The following PICK1 variants were observed in gnomAD, a reference collection of about 807,000 sequenced individuals.
PICK1 encodes PRKCA-binding protein.
In PICK1, 23 loss-of-function variants were observed where a neutral mutation model predicts 48.9. The ratio of observed to expected loss-of-function variants is 0.47; its 90% CI spans 0.34 to 0.67. PICK1 has a LOEUF of 0.67. Among genes scored for constraint, PICK1 ranks in the 30% least tolerant of loss-of-function variants. PICK1 has a pLI of 0.01. For synonymous variants in PICK1, 217 were observed against 228.2 expected (o/e 0.95, Z 0.44); for missense variants, 423 against 557.1 (o/e 0.76, Z 2.42).
chr22:38,065,845 C>T (rs866155998), intron 4 of PICK1, among the ~76,000 whole-genome samples: 2 of 152,274 alleles, frequency 1.3e-5, no homozygotes, highest in Middle Eastern at 6.8e-3. Flanking sequence ...AGGCAGTGCA[C>T]AGCCATGGGG....
chr22:38,070,911 G>A lies in PICK1; in HGVS notation c.493+20G>A, dbSNP rs756097296. On this transcript the variant is annotated intron_variant, in intron 7 of 12. Transcript: ENST00000356976. The stretch of plus-strand genomic sequence containing the variant: ...ACAAAGGTGGGTGGGGGGTGGCCTC[G>A]TCCTGGCACTAGCTCTACCCCAGGG... The A allele has an allele frequency of 6.2e-5, 100 of 1,607,422 alleles. No individual in the cohort carries two copies. Among genetic ancestry groups the A allele is most frequent in the East Asian group, 8.9e-5 (4 of 44,872 alleles).
intron 4 of PICK1, chr22:38,065,347 G>A (rs1386725418): frequency 3.7e-6 from 2 of 538,114 alleles, no homozygotes; most frequent in Non-Finnish European, 3.5e-6. Context: ...GCTGAACCTT[G>A]GCAAGAGAGT....
Position 38,067,709 on chromosome 22 carries a change from G to C in PICK1, c.288G>C (p.Glu96Asp). The change falls in exon 5 of 13, where the codon GAG becomes GAC. Residue 96 changes from glutamate (E) to aspartate (D), a missense_variant. Around this residue, in one of 2 missense-constraint regions of PICK1, gnomAD observed 279 missense variants for 417.8 expected, o/e 0.67. Transcript: ENST00000356976. Reference sequence around the variant, plus strand: ...TGTGTGTGCTGCTCTTCCAGGGGGAGGTGACCATCCACTACAACAAGCTGC... The same window carrying C: ...TGTGTGTGCTGCTCTTCCAGGGGGACGTGACCATCCACTACAACAAGCTGC... ...VAKMIQEVKG[E>D]VTIHYNKLQA... is the part of the protein sequence containing the mutation. 1 of 1,613,726 alleles carries C rather than the reference G, an allele frequency of 6.2e-7. No homozygotes were observed. Among genetic ancestry groups the C allele is most frequent in the Non-Finnish European group, 8.5e-7 (1 of 1,179,672 alleles).
At position 38,066,406 on chromosome 22, in the gene PICK1, C is replaced by T. The variant is rs1339813318; in HGVS notation, c.282+1276C>T. Among the ~76,000 whole-genome samples, 2 of 152,238 alleles carry T rather than the reference C, an allele frequency of 1.3e-5. No individual in the cohort carries two copies. The highest frequency in any genetic ancestry group is 2.9e-5 in the Non-Finnish European group (2 of 68,046). On this transcript the variant is annotated intron_variant, in intron 4 of 12. Coordinates refer to ENST00000356976, the MANE Select transcript of PICK1 (RefSeq NM_012407.4). The surrounding 1 kb of genome is among the most constrained non-coding windows in gnomAD (Gnocchi z 4.1). Reference sequence around the variant, plus strand: ...CCTGTCCTCTCAGGCTTGGTCATACCAGCACCTCAGGTTGCCCATGAGGAC... The same window carrying T: ...CCTGTCCTCTCAGGCTTGGTCATACTAGCACCTCAGGTTGCCCATGAGGAC...
Position 38,073,997 on chromosome 22 carries a change from C to A in PICK1, c.834+174C>A. The A allele has an allele frequency of 1.4e-6, 1 of 695,742 alleles. No homozygotes were observed. Among genetic ancestry groups the A allele is most frequent in the Non-Finnish European group, 2.5e-6 (1 of 403,872 alleles). 43.1% of individuals were successfully genotyped at this position (695,742 alleles called of 1,614,324 possible). A position where few individuals can be genotyped will look rare whatever the true frequency, so the allele number is the denominator to read the frequency against. On this transcript the variant is annotated intron_variant, in intron 11 of 12. Coordinates refer to ENST00000356976, the MANE Select transcript of PICK1 (RefSeq NM_012407.4). This position sits in a 1 kb window ranked among gnomAD's most constrained non-coding sequence, Gnocchi z 5.7. The stretch of plus-strand genomic sequence containing the variant: ...CGCTGGGCCTCGGGGTGCTGGGCAC[C>A]CGGCCGGGAACCACTCCCTCAGTCT...
chr22:38,065,964 G>A (rs1403100829), intron 4 of PICK1, among the ~76,000 whole-genome samples: 1 of 151,968 alleles, frequency 6.6e-6, no homozygotes, highest in Non-Finnish European at 1.5e-5. Context: ...TGGCACTCCT[G>A]ATAGTCCGCC....
At position 38,067,688 on chromosome 22, in the gene PICK1, T is replaced by A. The variant is rs1171567273; in HGVS notation, c.283-16T>A. The A allele has an allele frequency of 1.2e-6, 2 of 1,611,920 alleles. No individual in the cohort carries two copies. On this transcript the variant is annotated splice_polypyrimidine_tract_variant and intron_variant, in intron 4 of 12. Coordinates refer to ENST00000356976, the MANE Select transcript of PICK1 (RefSeq NM_012407.4). Reference sequence around the variant, plus strand: ...GTGGAGCCTCGCTCACTAGTCTGTGTGTGCTGCTCTTCCAGGGGGAGGTGA... The same window carrying A: ...GTGGAGCCTCGCTCACTAGTCTGTGAGTGCTGCTCTTCCAGGGGGAGGTGA...
At chr22:38,070,983 G>A (rs942494663) in intron 7 of PICK1, 92 bp downstream of exon 7, 5 of 967,844 alleles carry the variant, frequency 5.2e-6, no homozygotes, top group African/African-American at 1.6e-5. Context: ...CACTAGGAAT[G>A]CCAGCCTACA....
At chr22:38,067,907 C>T in intron 5 of PICK1, 137 bp downstream of exon 5, 1 of 770,474 alleles carries the variant, frequency 1.3e-6, no homozygotes, top group Non-Finnish European at 2.3e-6. Context: ...TGGGCTCTGA[C>T]CTCTGACCAA....
At chr22:38,071,793 G>A in intron 8 of PICK1, 49 bp downstream of exon 8, 3 of 1,503,244 alleles carry the variant, frequency 2.0e-6, no homozygotes, top group Non-Finnish European at 2.8e-6. Context: ...AATCCCTGGG[G>A]CCTCTCACTC....
intron 4 of PICK1, among the ~76,000 whole-genome samples, chr22:38,067,193 T>A (rs530177819): frequency 5.3e-5 from 8 of 152,108 alleles, no homozygotes; most frequent in Non-Finnish European, 1.2e-4. Flanking sequence ...CTGTCCCCAC[T>A]GATTCCCCAG....
In PICK1 at chr22:38,066,007, A is replaced by G. The variant is rs1051386413; in HGVS notation, c.282+877A>G. ...CTTAACCCAGGCCAGCCGCTGCTCC[A>G]TCCTCTCTCCCCTTTATCCTCCTGT... On this transcript the variant is annotated intron_variant, in intron 4 of 12. Coordinates refer to ENST00000356976, the MANE Select transcript of PICK1 (RefSeq NM_012407.4). This position sits in a 1 kb window ranked among gnomAD's most constrained non-coding sequence, Gnocchi z 4.1. Among the ~76,000 whole-genome samples, 6 of 151,994 alleles carry G rather than the reference A, an allele frequency of 3.9e-5. No homozygotes were observed. The highest frequency in any genetic ancestry group is 5.9e-5 in the Non-Finnish European group (4 of 68,002).
intron 4 of PICK1, chr22:38,067,386 T>C (rs2085554723): frequency 5.6e-6 from 2 of 356,520 alleles, no homozygotes; most frequent in Admixed American, 3.8e-5. Context: ...CTCAGCTCAC[T>C]GCAACCTCCG....
At chr22:38,063,344 A>G (rs1350043598) in intron 3 of PICK1, among the ~76,000 whole-genome samples, 1 of 151,464 alleles carries the variant, frequency 6.6e-6, no homozygotes, top group Non-Finnish European at 1.5e-5. Context: ...TTTTTTGTAG[A>G]GACAGAGTTT....
chr22:38,073,695 G>C lies in PICK1; in HGVS notation c.784-78G>C. ...CACCTGCGCCAGCCTCTCCTGCTGC[G>C]TGTGGGTGATGGGGGTGGAGCTGGG... On this transcript the variant is annotated intron_variant, in intron 10 of 12. Coordinates refer to ENST00000356976, the MANE Select transcript of PICK1 (RefSeq NM_012407.4). This position sits in a 1 kb window ranked among gnomAD's most constrained non-coding sequence, Gnocchi z 5.7. 1 of 1,298,112 alleles carries C rather than the reference G, an allele frequency of 7.7e-7. No individual in the cohort carries two copies. The highest frequency in any genetic ancestry group is 1.1e-6 in the Non-Finnish European group (1 of 893,398). 80.4% of individuals were successfully genotyped at this position (1,298,112 alleles called of 1,614,324 possible). A position where few individuals can be genotyped will look rare whatever the true frequency, so the allele number is the denominator to read the frequency against.
chr22:38,067,893 G>T lies in PICK1; in HGVS notation c.349+123G>T, dbSNP rs1227830529. ...TGACAGGAGAATCCAGAGTTACATG[G>T]CTGTGGGCTCTGACCTCTGACCAAG... On this transcript the variant is annotated intron_variant, in intron 5 of 12. Transcript: ENST00000356976. 58 of 839,624 alleles carry T rather than the reference G, an allele frequency of 6.9e-5. 1 individual carries two copies. The South Asian group carries it at 7.9e-4, about 11-fold the overall frequency. 52.0% of individuals were successfully genotyped at this position (839,624 alleles called of 1,614,324 possible).
At chr22:38,067,114 GA>G in intron 4 of PICK1, among the ~76,000 whole-genome samples, 1 of 152,068 alleles carries the variant, frequency 6.6e-6, no homozygotes, top group South Asian at 2.1e-4. Context: ...GGGGAGGGAA[GA>G]AGGAGAGCCT....
intron 2 of PICK1, chr22:38,058,070 T>C: frequency 1.7e-6 from 1 of 600,204 alleles, no homozygotes; most frequent in Admixed American, 2.7e-5. Flanking sequence ...ACTATTAGCA[T>C]GACTTGGTGA....
intron 6 of PICK1, among the ~76,000 whole-genome samples, chr22:38,070,439 T>C (rs2085649798): frequency 6.6e-6 from 1 of 152,190 alleles, no homozygotes; most frequent in African/African-American, 2.4e-5. Context: ...CTTCCTGAAT[T>C]TCCCCCTCCC....
Sources: allele counts gnomAD v4.1 joint callset (sites outside exome capture counted in the v4.1 genomes callset), GRCh38; gene constraint gnomAD v4.1.1; regional missense constraint gnomAD v4.1.1; non-coding constraint Gnocchi (gnomAD v3.1); transcripts MANE v1.5; gene names NCBI Gene and HGNC (gene_info 2026-07-23, HGNC 2026-07-21).